GLDC: variants seen among roughly 807,000 people sequenced by gnomAD.
GLDC encodes the protein glycine dehydrogenase (decarboxylating), mitochondrial.
A neutral mutation model predicts 121.3 loss-of-function variants in GLDC; 104 were observed. The ratio of observed to expected loss-of-function variants is 0.86; its 90% confidence interval spans 0.73 to 1.01. The LOEUF (loss-of-function observed/expected upper bound fraction) is 1.01. Among genes scored for constraint, GLDC ranks in the 50% least tolerant of loss-of-function variants. The pLI, the probability that GLDC is intolerant of heterozygous loss-of-function variation, is 0.00. For missense variants in GLDC, 1,429 were observed against 1,306.6 expected (o/e 1.09, Z -1.44); for synonymous variants, 546 against 480.6 (o/e 1.14, Z -1.78).
chr9:6,555,747 G>A (rs572178367), intron 18 of GLDC, among the ~76,000 whole-genome samples: 40 of 152,182 alleles, frequency 2.6e-4, no homozygotes, highest in Admixed American at 1.1e-3. Context: ...AGCAGACATC[G>A]CACCACTGCA....
At chr9:6,601,944 G>C (rs576639987) in intron 8 of GLDC, among the ~76,000 whole-genome samples, 165 bp downstream of exon 8, 1 of 151,914 alleles carries the variant, frequency 6.6e-6, no homozygotes, top group Non-Finnish European at 1.5e-5. Flanking sequence ...ACTGTATTTT[G>C]GTTCTCATAA....
chr9:6,613,132 A>G (rs1297473935), intron 3 of GLDC, among the ~76,000 whole-genome samples: 1 of 152,214 alleles, frequency 6.6e-6, no homozygotes, highest in Non-Finnish European at 1.5e-5. Flanking sequence ...GCTACCATTC[A>G]TTAACCATCT....
chr9:6,615,820 G>A (rs1427280537), intron 3 of GLDC, among the ~76,000 whole-genome samples: 4 of 152,058 alleles, frequency 2.6e-5, no homozygotes, highest in South Asian at 4.1e-4. Context: ...TGCCATGTTG[G>A]CCAGGCTGGT....
At chr9:6,558,462 AT>A in intron 17 of GLDC, 96 bp downstream of exon 17, 1 of 1,378,390 alleles carries the variant, frequency 7.3e-7, no homozygotes, top group Non-Finnish European at 1.0e-6. Context: ...TTTCATTAGA[AT>A]GCAAGAGAAG....
rs1406713104 is a variant in GLDC at position 6,533,100 on chromosome 9, C to T, written c.2980G>A (p.Gly994Arg). Residue 994 changes from glycine to arginine, a missense_variant, in exon 25 of 25, where the codon GGA becomes AGA. Coordinates refer to ENST00000321612, the MANE Select transcript of GLDC (RefSeq NM_000170.3). Reference protein sequence around the residue: ...PTIARIDDIYGDQHLVCTCPP... With the variant: ...PTIARIDDIYRDQHLVCTCPP... ...CAGGTACAAACCAGGTGCTGATCTC[C>T]ATATATGTCATCAATCCGGGCAATC... is the stretch of plus-strand genomic sequence containing the variant. The T allele has an allele frequency of 4.3e-6, 7 of 1,611,208 alleles. No individual in the cohort carries two copies. Among genetic ancestry groups the T allele is most frequent in the Non-Finnish European group, 5.1e-6 (6 of 1,177,538 alleles).
At chr9:6,629,969 T>A (rs1294293983) in intron 2 of GLDC, among the ~76,000 whole-genome samples, 2 of 57,722 alleles carry the variant, frequency 3.5e-5, no homozygotes, top group Non-Finnish European at 6.2e-5. Context: ...TTTTTTTTTT[T>A]AAGAGAGACA....
chr9:6,634,783 C>G (rs1267489669), intron 2 of GLDC, among the ~76,000 whole-genome samples: 1 of 152,110 alleles, frequency 6.6e-6, no homozygotes, highest in Non-Finnish European at 1.5e-5. Flanking sequence ...TCCCCTTCCA[C>G]CAAAGTTAGA....
In GLDC at chr9:6,588,487, T is replaced by C. The variant is rs758882025; in HGVS notation, c.1666-45A>G. 9.7e-6 allele frequency: 15 copies of C among 1,539,538 alleles called. No individual in the cohort carries two copies. In the African/African-American group the frequency reaches 1.1e-4, roughly 11 times the overall value. ...AATGTATCACATTAGTGATTTTCTA[T>C]AGTCCATCAATCAACCCTCCATTCT... On this transcript the variant is annotated intron_variant, in intron 13 of 24. Transcript: ENST00000321612.
chr9:6,594,855 G>A (rs931512419), intron 9 of GLDC, among the ~76,000 whole-genome samples, 159 bp downstream of exon 9: 1 of 150,908 alleles, frequency 6.6e-6, no homozygotes, highest in Non-Finnish European at 1.5e-5. Flanking sequence ...AAGAAAGAAA[G>A]CAAAACAACA....
At chr9:6,591,961 C>A (rs1587950132) in intron 11 of GLDC, 182 bp downstream of exon 11, 2 of 631,894 alleles carry the variant, frequency 3.2e-6, no homozygotes, top group African/African-American at 1.8e-5. Context: ...CTGGCTGGAG[C>A]CCTACAGCAG....
chr9:6,586,095 A>G (rs2129827430), intron 15 of GLDC, among the ~76,000 whole-genome samples: 1 of 152,262 alleles, frequency 6.6e-6, no homozygotes, highest in South Asian at 2.1e-4. Flanking sequence ...CAGGAGTTAG[A>G]GACCAGCCTG....
At chr9:6,621,934 G>A (rs1256877895) in intron 2 of GLDC, among the ~76,000 whole-genome samples, 1 of 152,148 alleles carries the variant, frequency 6.6e-6, no homozygotes, top group African/African-American at 2.4e-5. Context: ...GCAAATGGCT[G>A]TCTTCTTTAA....
chr9:6,550,398 A>C (rs1355144570), intron 21 of GLDC, among the ~76,000 whole-genome samples: 1 of 152,158 alleles, frequency 6.6e-6, no homozygotes, highest in African/African-American at 2.4e-5. Flanking sequence ...AGGCTGAGAC[A>C]GGTGGATCAC....
chr9:6,622,763 C>T (rs1431403781), intron 2 of GLDC: 2 of 221,566 alleles, frequency 9.0e-6, no homozygotes, highest in Non-Finnish European at 1.8e-5. Context: ...TGAGGAGCGT[C>T]TCTGCCCGGC....
At position 6,556,198 on chromosome 9, in the gene GLDC, T is replaced by C; in HGVS notation, c.2157A>G (p.Gln719=). The part of the protein sequence containing the change: ...NISDVCDLIH[Q]HGGQVYLDGA... ...CGTCTAGGTAGACCTGTCCTCCATG[T>C]TGATGGATGAGGTCACACACGTCAC... The change falls in exon 18 of 25, where the codon CAA becomes CAG. Residue 719 remains glutamine, a synonymous_variant. Coordinates refer to ENST00000321612, the MANE Select transcript of GLDC (RefSeq NM_000170.3). 6.2e-7 allele frequency: 1 copy of C among 1,613,014 alleles called. No homozygotes were observed.
At chr9:6,581,972 T>C (rs573176138) in intron 15 of GLDC, among the ~76,000 whole-genome samples, 3 of 152,146 alleles carry the variant, frequency 2.0e-5, no homozygotes, top group Non-Finnish European at 4.4e-5. Context: ...CCCAGCACCT[T>C]GGGAGGCTGA....
chr9:6,620,898 T>G (rs1819077979), intron 2 of GLDC, among the ~76,000 whole-genome samples: 1 of 152,198 alleles, frequency 6.6e-6, no homozygotes, highest in African/African-American at 2.4e-5. Context: ...CTGTGAACAG[T>G]GGCTCACACC....
intron 2 of GLDC, among the ~76,000 whole-genome samples, chr9:6,621,248 G>T (rs1342713012): frequency 6.6e-6 from 1 of 152,186 alleles, no homozygotes; most frequent in African/African-American, 2.4e-5. Flanking sequence ...TGGTTATTAA[G>T]AAGTATAAAT....
At chr9:6,644,876 T>C in intron 1 of GLDC, 184 bp from the exon 2 acceptor site, 1 of 644,404 alleles carries the variant, frequency 1.6e-6, no homozygotes, top group South Asian at 1.8e-5. Context: ...TGAAGTGGGG[T>C]GGAGATTCCG....
Sources: gnomAD v4.1 joint callset for allele counts (sites outside exome capture counted in the v4.1 genomes callset) on GRCh38, gnomAD v4.1.1 for gene constraint, MANE v1.5 for transcripts, NCBI Gene and HGNC (gene_info 2026-07-23, HGNC 2026-07-21) for gene names.